Variants in PDE11A observed in about 807,000 individuals in gnomAD.
PDE11A encodes phosphodiesterase 11A.
Under a neutral mutation model 100.5 loss-of-function variants are expected in PDE11A, and 100 were observed. The ratio of observed to expected loss-of-function variants is 1.00; its 90% confidence interval spans 0.85 to 1.18. PDE11A has a LOEUF of 1.18. PDE11A is among the 50% of genes most tolerant of loss of function. PDE11A has a pLI of 0.00. For synonymous variants in PDE11A, 381 were observed against 420.8 expected, an observed-to-expected ratio of 0.91 and a Z score of 1.16; for missense variants, 1,141 against 1,152.6, an observed-to-expected ratio of 0.99 and a Z score of 0.15.
chr2:177,717,917 C>T (rs1176260799), intron 12 of PDE11A, among the ~76,000 whole-genome samples: 1 of 152,072 alleles, frequency 6.6e-6, no homozygotes, highest in Non-Finnish European at 1.5e-5. Context: ...TGTATGATAC[C>T]AGTGAATGGG....
chr2:177,662,505 T>A (rs62185371), intron 19 of PDE11A, among the ~76,000 whole-genome samples: 10,910 of 152,286 alleles, frequency 0.072, 547 homozygotes, highest in Non-Finnish European at 0.1. Context: ...CAAAGCAAGA[T>A]ACACCTGACC....
At chr2:177,699,177 C>T (rs933797248) in intron 14 of PDE11A, among the ~76,000 whole-genome samples, 1 of 152,148 alleles carries the variant, frequency 6.6e-6, no homozygotes, top group Non-Finnish European at 1.5e-5. Context: ...GATGATACAG[C>T]CTACTGCATA....
chr2:177,820,871 C>T (rs1317485352), intron 6 of PDE11A, among the ~76,000 whole-genome samples: 2 of 151,788 alleles, frequency 1.3e-5, no homozygotes, highest in Non-Finnish European at 2.9e-5. Flanking sequence ...CAGGAGGTGA[C>T]ATTTAAAATA....
intron 6 of PDE11A, among the ~76,000 whole-genome samples, chr2:177,825,293 A>C (rs530715331): frequency 6.6e-6 from 1 of 152,290 alleles, no homozygotes; most frequent in South Asian, 2.1e-4. Context: ...AGCATCAGAG[A>C]ATGCAGAGGG....
chr2:178,031,292 T>C (rs2086544317), intron 1 of PDE11A, among the ~76,000 whole-genome samples: 1 of 152,178 alleles, frequency 6.6e-6, no homozygotes, highest in African/African-American at 2.4e-5. Flanking sequence ...AGAGACCTGT[T>C]ATAATCAGTC....
intron 9 of PDE11A, among the ~76,000 whole-genome samples, chr2:177,776,759 C>A (rs1217533867): frequency 6.6e-6 from 1 of 152,064 alleles, no homozygotes; most frequent in South Asian, 2.1e-4. Context: ...GAGAAGGTGG[C>A]CATCTGCAAG....
In PDE11A at chr2:177,629,255, C is replaced by T. The variant is rs1458148011; in HGVS notation, c.*152G>A. The T allele has an allele frequency of 2.7e-6, 2 of 750,484 alleles. No homozygotes were observed. The highest frequency in any genetic ancestry group is 1.7e-5 in the African/African-American group (1 of 58,602). 46.5% of individuals were successfully genotyped at this position (750,484 alleles called of 1,614,324 possible). A position where few individuals can be genotyped will look rare whatever the true frequency, so the allele number is the denominator to read the frequency against. ...TTCCCGTTGCTCTCTCTGCTGCTGA[C>T]CATGCTTCAAGGTGAAAGCCCAGGC... On this transcript the variant is annotated 3_prime_UTR_variant, in exon 20 of 20. Transcript: ENST00000286063.
intron 2 of PDE11A, among the ~76,000 whole-genome samples, chr2:177,946,183 G>T (rs2085425474): frequency 1.6e-5 from 2 of 123,196 alleles, no homozygotes; most frequent in Non-Finnish European, 1.8e-5. Flanking sequence ...CTACTGGGAA[G>T]TGAGGAGCCC....
At chr2:177,705,087 G>A (rs183530857) in intron 13 of PDE11A, among the ~76,000 whole-genome samples, 4 of 152,050 alleles carry the variant, frequency 2.6e-5, no homozygotes, top group East Asian at 1.9e-4. Flanking sequence ...TGATCTGCCC[G>A]CCTCGGCCTC....
At chr2:177,708,896 A>G (rs1215033836) in intron 13 of PDE11A, among the ~76,000 whole-genome samples, 2 of 152,258 alleles carry the variant, frequency 1.3e-5, no homozygotes, top group African/African-American at 2.4e-5. Flanking sequence ...GAAAAGGCAC[A>G]ACCAGGGCAT....
At chr2:177,936,916 C>A (rs2085281655) in intron 2 of PDE11A, among the ~76,000 whole-genome samples, 1 of 146,136 alleles carries the variant, frequency 6.8e-6, no homozygotes, top group African/African-American at 2.5e-5. Flanking sequence ...GAGAAGGATT[C>A]CATCTTAAAA....
At chr2:177,919,121 A>G (rs113048749) in intron 2 of PDE11A, among the ~76,000 whole-genome samples, 2 of 141,030 alleles carry the variant, frequency 1.4e-5, no homozygotes, top group Non-Finnish European at 1.6e-5. Context: ...TTTTTGAGAC[A>G]GAGTCTCGCT....
intron 2 of PDE11A, among the ~76,000 whole-genome samples, chr2:178,081,426 A>G (rs1020407767): frequency 6.6e-6 from 1 of 152,230 alleles, no homozygotes; most frequent in Non-Finnish European, 1.5e-5. Context: ...AAATTATTCA[A>G]TTCATGCTAT....
At chr2:177,631,737 A>T (rs763656042) in intron 19 of PDE11A, among the ~76,000 whole-genome samples, 5 of 150,428 alleles carry the variant, frequency 3.3e-5, no homozygotes, top group Admixed American at 6.7e-5. Context: ...ATGGATTTTT[A>T]AGCATTCATA....
chr2:177,890,091 A>G (rs372602634), intron 4 of PDE11A, among the ~76,000 whole-genome samples: 63 of 152,342 alleles, frequency 4.1e-4, no homozygotes, highest in African/African-American at 1.5e-3. Context: ...TGCTCTGAGC[A>G]GCCATTTCAG....
intron 2 of PDE11A, chr2:177,926,856 A>AT (rs2085131643): frequency 6.6e-6 from 1 of 151,928 alleles, no homozygotes; most frequent in East Asian, 1.9e-4. Flanking sequence ...CATTCTGGTA[A>AT]TTTTTTTACT....
chr2:177,716,413 A>C (rs1046549841), intron 12 of PDE11A, among the ~76,000 whole-genome samples: 1 of 152,076 alleles, frequency 6.6e-6, no homozygotes, highest in African/African-American at 2.4e-5. Context: ...CTCTGAAGAC[A>C]CTTGGGTTTC....
intron 1 of PDE11A, among the ~76,000 whole-genome samples, chr2:178,051,538 TC>T (rs1392569935): frequency 3.9e-5 from 6 of 151,950 alleles, no homozygotes; most frequent in Non-Finnish European, 7.4e-5. Context: ...GGCTAAATGC[TC>T]CAATTAAAAG....
At chr2:177,923,353 T>A (rs1160076656) in intron 2 of PDE11A, among the ~76,000 whole-genome samples, 2 of 118,040 alleles carry the variant, frequency 1.7e-5, no homozygotes. Flanking sequence ...AGAGCGAGGC[T>A]CTGTCTCTCC....
Sources: allele counts gnomAD v4.1 joint callset (sites outside exome capture counted in the v4.1 genomes callset), GRCh38; gene constraint gnomAD v4.1.1; transcripts MANE v1.5; gene names NCBI Gene and HGNC (gene_info 2026-07-23, HGNC 2026-07-21).